AXDND1: variants seen among roughly 807,000 people sequenced by gnomAD.
AXDND1 encodes axonemal dynein light chain domain containing 1, also known as axonemal dynein light chain domain-containing protein 1.
Under a neutral mutation model 137.5 loss-of-function variants are expected in AXDND1, and 110 were observed. The observed-to-expected ratio is 0.80, with a 90% confidence interval of 0.69 to 0.94. The LOEUF (loss-of-function observed/expected upper bound fraction) is 0.94, where lower values mean the gene tolerates loss of function less well. Ranked by LOEUF, AXDND1 falls within the 40% of genes least tolerant of loss-of-function variation. AXDND1 has a pLI of 0.00. For synonymous variants in AXDND1, 414 were observed against 399.7 expected (o/e 1.04, Z -0.43); for missense variants, 1,191 against 1,169.8 (o/e 1.02, Z -0.26).
chr1:179,369,107 TA>T, intron 3 of AXDND1, 135 bp downstream of exon 3: 1 of 923,852 alleles, frequency 1.1e-6, no homozygotes, highest in Non-Finnish European at 1.6e-6. Flanking sequence ...GACAGGGTCT[TA>T]CTACTGTGGC....
chr1:179,501,393 G>A (rs1019474770), intron 20 of AXDND1, among the ~76,000 whole-genome samples: 3 of 152,266 alleles, frequency 2.0e-5, no homozygotes, highest in Admixed American at 2.0e-4. Flanking sequence ...CAGAATTAAT[G>A]AGGAAATGAT....
Position 179,429,519 on chromosome 1 carries a change from T to C in AXDND1, c.1232T>C (p.Val411Ala). Residue 411 changes from valine to alanine, a missense_variant and splice_region_variant, in exon 13 of 26, where the codon GTG becomes GCG. Physicochemically the swap from Val to Ala is moderately conservative, Grantham distance 64. Coordinates refer to ENST00000367618, the MANE Select transcript of AXDND1 (RefSeq NM_144696.6). ...SSATYELALK[V>A]IERNRVILAR... ...GATTATAGTACATTATTTTTATAGG[T>C]GATTGAAAGAAATAGAGTCATATTG... The C allele has an allele frequency of 6.8e-7, 1 of 1,468,816 alleles. No homozygotes were observed. The highest frequency in any genetic ancestry group is 9.1e-7 in the Non-Finnish European group (1 of 1,095,184). 91.0% of individuals were successfully genotyped at this position (1,468,816 alleles called of 1,614,324 possible). A position where few individuals can be genotyped will look rare whatever the true frequency, so the allele number is the denominator to read the frequency against.
chr1:179,551,349 T>C (rs1249287688), intron 25 of AXDND1: 1 of 1,613,864 alleles, frequency 6.2e-7, no homozygotes. Context: ...GACTGAAGGG[T>C]GTGGAGGTAT....
intron 15 of AXDND1, among the ~76,000 whole-genome samples, chr1:179,438,985 G>A (rs34163268): frequency 0.075 from 11,468 of 151,978 alleles, 545 homozygotes; most frequent in Middle Eastern, 0.16. Flanking sequence ...CAATCTGGGC[G>A]GCAGACTGGG....
At chr1:179,502,118 A>T (rs561987005) in intron 20 of AXDND1, among the ~76,000 whole-genome samples, 1 of 152,218 alleles carries the variant, frequency 6.6e-6, no homozygotes, top group African/African-American at 2.4e-5. Context: ...AAAAATACAC[A>T]ACCCAATAGA....
chr1:179,483,724 G>A (rs984080141), intron 18 of AXDND1, among the ~76,000 whole-genome samples: 1 of 152,136 alleles, frequency 6.6e-6, no homozygotes, highest in African/African-American at 2.4e-5. Context: ...AATTTTTATA[G>A]TGTGGGATTA....
chr1:179,422,547 G>A (rs1278983030), intron 12 of AXDND1, among the ~76,000 whole-genome samples: 1 of 152,044 alleles, frequency 6.6e-6, no homozygotes, highest in Non-Finnish European at 1.5e-5. Context: ...TTGTTTTGTG[G>A]CCTAAGATAT....
chr1:179,384,868 A>T (rs1316970219), intron 8 of AXDND1, among the ~76,000 whole-genome samples: 1 of 150,748 alleles, frequency 6.6e-6, no homozygotes, highest in African/African-American at 2.4e-5. Flanking sequence ...GGCTCAGGGG[A>T]TCCTCCCACC....
intron 20 of AXDND1, among the ~76,000 whole-genome samples, chr1:179,502,829 C>T (rs1398713707): frequency 1.3e-5 from 2 of 151,788 alleles, no homozygotes; most frequent in African/African-American, 4.8e-5. Flanking sequence ...GGCGTGGTGG[C>T]TCACACCTGT....
chr1:179,468,378 A>G (rs970878125), intron 16 of AXDND1, 65 bp from the exon 17 acceptor site: 13 of 1,130,272 alleles, frequency 1.2e-5, no homozygotes, highest in Non-Finnish European at 1.5e-5. Context: ...GGATTTTATA[A>G]TTTGGTATTA....
intron 17 of AXDND1, among the ~76,000 whole-genome samples, chr1:179,474,488 C>G (rs913525647): frequency 6.6e-6 from 1 of 152,106 alleles, no homozygotes. Context: ...ACAATGAAGT[C>G]CAGGCTGAGG....
At chr1:179,433,205 A>G (rs12409903) in intron 15 of AXDND1, among the ~76,000 whole-genome samples, 45,452 of 151,882 alleles carry the variant, frequency 0.3, 7,007 homozygotes, top group Non-Finnish European at 0.31. Context: ...TTTCTGTGGG[A>G]TCAGTAGTGA....
At chr1:179,465,828 C>T (rs1027185410) in intron 16 of AXDND1, among the ~76,000 whole-genome samples, 1 of 152,196 alleles carries the variant, frequency 6.6e-6, no homozygotes, top group African/African-American at 2.4e-5. Context: ...ATGGCGGACG[C>T]CCCTCCCCCA....
At chr1:179,468,201 T>G (rs1481113952) in intron 16 of AXDND1, among the ~76,000 whole-genome samples, 4 of 152,198 alleles carry the variant, frequency 2.6e-5, no homozygotes, top group Non-Finnish European at 5.9e-5. Context: ...ACAAGAAATG[T>G]AGGATATAAA....
intron 3 of AXDND1, 136 bp downstream of exon 3, chr1:179,369,108 A>G: frequency 1.1e-6 from 1 of 916,310 alleles, no homozygotes; most frequent in Non-Finnish European, 1.6e-6. Flanking sequence ...ACAGGGTCTT[A>G]CTACTGTGGC....
chr1:179,519,579 G>T (rs560771708), intron 21 of AXDND1, among the ~76,000 whole-genome samples: 1 of 152,298 alleles, frequency 6.6e-6, no homozygotes, highest in Admixed American at 6.5e-5. Context: ...GCATAAGGAA[G>T]GGTTCCAGTT....
chr1:179,541,214 G>A (rs1054585469), intron 25 of AXDND1, among the ~76,000 whole-genome samples: 22 of 152,174 alleles, frequency 1.4e-4, no homozygotes, highest in African/African-American at 5.1e-4. Flanking sequence ...AGAGTGTACC[G>A]TCGCACCTGG....
intron 16 of AXDND1, chr1:179,455,538 G>T (rs960053403): frequency 1.4e-5 from 2 of 144,716 alleles, no homozygotes; most frequent in Admixed American, 7.3e-5. Context: ...AGCTTGCAGT[G>T]AGCTGAGATC....
intron 12 of AXDND1, 125 bp downstream of exon 12, chr1:179,411,391 C>T: frequency 1.5e-6 from 2 of 1,302,862 alleles, no homozygotes; most frequent in Non-Finnish European, 2.1e-6. Context: ...GTTGCTTAGG[C>T]TGGAATTCAG....
Sources: gnomAD v4.1 joint callset for allele counts (sites outside exome capture counted in the v4.1 genomes callset) on GRCh38, gnomAD v4.1.1 for gene constraint, MANE v1.5 for transcripts, NCBI Gene and HGNC (gene_info 2026-07-23, HGNC 2026-07-21) for gene names.